SPATA22: variants seen among roughly 807,000 people sequenced by gnomAD.
The protein encoded by SPATA22 is spermatogenesis associated 22.
A neutral mutation model predicts 47.8 loss-of-function variants in SPATA22; 29 were observed. The observed-to-expected ratio is 0.61, with a 90% CI of 0.45 to 0.83. The LOEUF is 0.83. Among genes scored for constraint, SPATA22 ranks in the 40% least tolerant of loss-of-function variants. The pLI is 0.00. For synonymous variants in SPATA22, 133 were observed against 140.9 expected, an observed-to-expected ratio of 0.94 and a Z score of 0.40; for missense variants, 410 against 421.7, an observed-to-expected ratio of 0.97 and a Z score of 0.24.
rs530134408 is a variant in SPATA22 at position 3,454,507 on chromosome 17, T to A, written c.330-5358A>T. 4.0e-3 allele frequency among the ~76,000 whole-genome samples: 606 copies of A among 151,772 alleles called. 4 individuals carry two copies. Among genetic ancestry groups the A allele is most frequent in the African/African-American group, 0.014 (593 of 41,388 alleles). On this transcript the variant is annotated intron_variant, in intron 5 of 8. Transcript: ENST00000572969. ...ATGTTCCCCTTCCTGTGTCCATGTG[T>A]TCTCATTGTTCAATTCCCATCTATG...
chr17:3,448,940 G>T lies in SPATA22; in HGVS notation c.539C>A (p.Ser180Ter). 1 of 1,613,998 alleles carries T rather than the reference G, an allele frequency of 6.2e-7. No homozygotes were observed. The highest frequency in any genetic ancestry group is 1.1e-5 in the South Asian group (1 of 91,060). ...KETELLRQTHSSKISGCTMRG... is the reference protein window; with the variant it reads ...KETELLRQTH ...CATTGTGCAGCCAGATATTTTTGAT[G>T]AATGTGTTTGTCTGAGTAGCTCGGT... The change falls in exon 6 of 9, where the codon TCA becomes TAA. Residue 180 changes from serine (S) to a stop codon, truncating the protein, a stop_gained. Transcript: ENST00000572969. LOFTEE classifies it high-confidence loss of function.
chr17:3,492,206 G>A (rs1430544870), intron 1 of SPATA22, among the ~76,000 whole-genome samples: 1 of 152,172 alleles, frequency 6.6e-6, no homozygotes, highest in African/African-American at 2.4e-5. Context: ...AAAAAGCTGA[G>A]CAGCAATGAA....
chr17:3,459,694 C>T (rs2073083298), intron 5 of SPATA22, among the ~76,000 whole-genome samples: 1 of 152,160 alleles, frequency 6.6e-6, no homozygotes, highest in Middle Eastern at 3.2e-3. Context: ...AGGTGTGAGC[C>T]ACTGCATCTG....
intron 1 of SPATA22, chr17:3,483,447 A>G (rs1028230556): frequency 6.7e-6 from 10 of 1,490,252 alleles, no homozygotes; most frequent in Non-Finnish European, 9.4e-6. Context: ...TGAAGCAAAG[A>G]GAACAAAACA....
intron 1 of SPATA22, among the ~76,000 whole-genome samples, chr17:3,479,322 C>T (rs1216953833): frequency 1.3e-5 from 2 of 152,120 alleles, no homozygotes; most frequent in Admixed American, 6.5e-5. Flanking sequence ...TACTCAAATG[C>T]GGAAGAATGA....
intron 6 of SPATA22, among the ~76,000 whole-genome samples, chr17:3,448,414 C>T (rs1391747235): frequency 3.9e-5 from 6 of 152,126 alleles, no homozygotes; most frequent in Admixed American, 2.6e-4. Flanking sequence ...AGAGACAGTA[C>T]GGCCCATAAA....
At chr17:3,481,950 G>A in intron 1 of SPATA22, 2 of 706,552 alleles carry the variant, frequency 2.8e-6, no homozygotes, top group Admixed American at 2.8e-5. Flanking sequence ...GGGGGAAAGG[G>A]TGCTACCAGA....
In SPATA22 at chr17:3,501,161, G is replaced by GA. The variant is rs899815050; in HGVS notation, c.-74+12250dup. On this transcript the variant is annotated intron_variant, in intron 1 of 8. Transcript: ENST00000541913. ...TCAGGCTGGGGGAGGGGAGAAAAAA[G>GA]AAAAAAAAGAAAGGAAGAAAAAAAT... 4 of 150,962 alleles carry GA rather than the reference G, an allele frequency of 2.6e-5. No individual in the cohort carries two copies. In the East Asian group the frequency reaches 5.8e-4, roughly 22 times the overall value. The allele number at this position is 150,962 out of a possible 1,614,324, so 9.4% of individuals were successfully genotyped here. A position where few individuals can be genotyped will look rare whatever the true frequency, so the allele number is the denominator to read the frequency against.
intron 7 of SPATA22, among the ~76,000 whole-genome samples, chr17:3,445,555 CTTGAG>C (rs1445945775): frequency 6.6e-6 from 1 of 152,118 alleles, no homozygotes; most frequent in African/African-American, 2.4e-5. Flanking sequence ...ATCTACAAAA[CTTGAG>C]TTAAGAAGTG....
rs555763601 is a variant in SPATA22 at position 3,497,677 on chromosome 17, C to T, written c.-74+15735G>A. 3.3e-4 allele frequency among the ~76,000 whole-genome samples: 50 copies of T among 152,274 alleles called. 1 individual carries two copies. The highest frequency in any genetic ancestry group is 1.1e-3 in the African/African-American group (46 of 41,546). ...CAGGATGGAGAAAACTGCGGTGATG[C>T]GGCACTTCCCAAACACTAATGTCGT... On this transcript the variant is annotated intron_variant, in intron 1 of 8. Transcript: ENST00000541913.
intron 1 of SPATA22, among the ~76,000 whole-genome samples, chr17:3,487,357 AG>A: frequency 6.6e-6 from 1 of 152,350 alleles, no homozygotes; most frequent in African/African-American, 2.4e-5. Context: ...AGTTGGAAGG[AG>A]AACATATAAC....
intron 5 of SPATA22, among the ~76,000 whole-genome samples, chr17:3,455,970 T>C (rs1478657115): frequency 1.3e-5 from 2 of 152,220 alleles, no homozygotes; most frequent in Admixed American, 6.5e-5. Context: ...TTTTATTTCA[T>C]TGAGCAGTGA....
At chr17:3,503,766 T>C (rs1447354938) in intron 1 of SPATA22, among the ~76,000 whole-genome samples, 2 of 152,116 alleles carry the variant, frequency 1.3e-5, no homozygotes, top group African/African-American at 4.8e-5. Flanking sequence ...TATTTTACTT[T>C]GATTATTTCT....
intron 5 of SPATA22, among the ~76,000 whole-genome samples, chr17:3,462,160 T>C (rs552679422): frequency 3.9e-5 from 6 of 152,326 alleles, no homozygotes; most frequent in Admixed American, 3.3e-4. Context: ...ATGATTCCTG[T>C]CTATTGTCAA....
intron 1 of SPATA22, among the ~76,000 whole-genome samples, chr17:3,509,895 T>C (rs1226838953): frequency 1.3e-5 from 2 of 152,246 alleles, no homozygotes; most frequent in Admixed American, 6.5e-5. Flanking sequence ...GTGGTTTTGA[T>C]TTGCATTTCT....
intron 6 of SPATA22, among the ~76,000 whole-genome samples, chr17:3,448,168 C>A (rs1021139582): frequency 4.6e-5 from 7 of 152,090 alleles, no homozygotes; most frequent in African/African-American, 1.7e-4. Context: ...GAGCATTGGA[C>A]AATTAGTAGA....
chr17:3,496,037 C>T (rs562684382), intron 1 of SPATA22, among the ~76,000 whole-genome samples: 1 of 152,208 alleles, frequency 6.6e-6, no homozygotes, highest in East Asian at 1.9e-4. Context: ...CAAAAATAAT[C>T]CCAGGCAGAC....
intron 1 of SPATA22, chr17:3,494,504 T>C (rs369991242): frequency 7.0e-5 from 103 of 1,473,240 alleles, no homozygotes; most frequent in Non-Finnish European, 9.4e-5. Context: ...AATAATGCTG[T>C]ACCTTTGAAT....
At chr17:3,483,461 G>A (rs769469389) in intron 1 of SPATA22, 4 of 1,552,200 alleles carry the variant, frequency 2.6e-6, no homozygotes, top group Admixed American at 1.7e-5. Context: ...CAAAACATAC[G>A]GTTTTTACCT....
Sources: allele counts gnomAD v4.1 joint callset (sites outside exome capture counted in the v4.1 genomes callset), GRCh38; gene constraint gnomAD v4.1.1; transcripts MANE v1.5; gene names NCBI Gene and HGNC (gene_info 2026-07-23, HGNC 2026-07-21).